GPHN: variants seen among roughly 807,000 people sequenced by gnomAD.
GPHN encodes gephyrin.
GPHN carries 17 observed loss-of-function variants against 95.5 expected under a neutral mutation model. The observed-to-expected ratio is 0.18, with a 90% CI of 0.12 to 0.27. GPHN has a LOEUF of 0.27. Among genes scored for constraint, GPHN ranks in the 10% least tolerant of loss-of-function variants. GPHN has a pLI of 1.00. For synonymous variants in GPHN, 320 were observed against 322.5 expected (o/e 0.99, Z 0.08); for missense variants, 660 against 978.1 (o/e 0.67, Z 4.34).
At chr14:67,360,046 C>G in the GPHN span, 2 of 448,942 alleles carry the variant, frequency 4.5e-6, no homozygotes, top group African/African-American at 2.0e-5. Context: ...GAAGCGTGCA[C>G]GCCTTGTCTT....
rs979902390 is a variant in GPHN at position 66,636,086 on chromosome 14, C to T, written c.65-45021C>T. The stretch of plus-strand genomic sequence containing the variant: ...ATGTAATTTCTCACTGGTAAATTTT[C>T]CTTAAAATATAAATTGCTCCCTGGA... On this transcript the variant is annotated intron_variant, in intron 1 of 22. Coordinates refer to ENST00000478722, the MANE Select transcript of GPHN (RefSeq NM_020806.5). Among the ~76,000 whole-genome samples, 61 of 152,052 alleles carry T rather than the reference C, an allele frequency of 4.0e-4. 1 individual carries two copies. Among genetic ancestry groups the T allele is most frequent in the Non-Finnish European group, 1.6e-4 (11 of 67,996 alleles).
chr14:67,676,723 T>C, the GPHN span: 1 of 152,232 alleles, frequency 6.6e-6, no homozygotes, highest in Non-Finnish European at 1.5e-5. Flanking sequence ...GATTACACTG[T>C]AGCTAGACTC....
At chr14:67,277,691 G>A in the GPHN span, among the ~76,000 whole-genome samples, 1 of 152,090 alleles carries the variant, frequency 6.6e-6, no homozygotes, top group Non-Finnish European at 1.5e-5. Flanking sequence ...TTGATGAAAA[G>A]CCAGAGTTAT....
the GPHN span, chr14:67,570,399 A>C: frequency 6.5e-6 from 3 of 461,492 alleles, no homozygotes; most frequent in Non-Finnish European, 8.6e-6. Flanking sequence ...ATCAGATAGA[A>C]TTGCAATATT....
At chr14:67,688,871 A>G in the GPHN span, among the ~76,000 whole-genome samples, 1 of 152,138 alleles carries the variant, frequency 6.6e-6, no homozygotes, top group Non-Finnish European at 1.5e-5. Context: ...GACTATACCT[A>G]TCTTGTTCAC....
chr14:67,467,633 T>C, the GPHN span: 3 of 152,284 alleles, frequency 2.0e-5, no homozygotes, highest in East Asian at 5.8e-4. Context: ...TTCCATCCCA[T>C]TCCCAAACAT....
the GPHN span, among the ~76,000 whole-genome samples, chr14:67,576,685 C>G: frequency 3.3e-5 from 5 of 152,182 alleles, no homozygotes; most frequent in Non-Finnish European, 4.4e-5. The surrounding 1 kb of genome is among the most constrained non-coding windows in gnomAD (Gnocchi z 4.0). Context: ...ACTAAGGTGA[C>G]CACTCTGCAT....
chr14:66,721,727 A>C (rs1321005075), intron 2 of GPHN, among the ~76,000 whole-genome samples: 1 of 152,000 alleles, frequency 6.6e-6, no homozygotes, highest in Non-Finnish European at 1.5e-5. Context: ...GAGGCAGGCG[A>C]ATCACCTGAG....
the GPHN span, among the ~76,000 whole-genome samples, chr14:67,275,473 T>A: frequency 2.0e-5 from 3 of 152,262 alleles, no homozygotes; most frequent in East Asian, 5.8e-4. Flanking sequence ...ATGAAGCCCA[T>A]TTGATTGTGG....
the GPHN span, among the ~76,000 whole-genome samples, chr14:67,306,863 AAAT>A: frequency 2.0e-5 from 3 of 152,204 alleles, no homozygotes; most frequent in African/African-American, 7.2e-5. Flanking sequence ...TAATCTAAAG[AAAT>A]TAGAACCAAT....
At chr14:66,956,340 A>ATTGGTTATT (rs1254530593) in intron 8 of GPHN, among the ~76,000 whole-genome samples, 1 of 151,828 alleles carries the variant, frequency 6.6e-6, no homozygotes, top group African/African-American at 2.4e-5. Flanking sequence ...CTCTTTCACC[A>ATTGGTTATT]TTGGTTATTT....
the GPHN span, chr14:67,583,752 G>A: frequency 6.2e-7 from 1 of 1,611,208 alleles, no homozygotes; most frequent in Non-Finnish European, 8.5e-7. Flanking sequence ...TAGAATATGG[G>A]GACTTGGAGA....
chr14:66,618,078 A>T (rs28483664), intron 1 of GPHN, among the ~76,000 whole-genome samples: 47,715 of 151,920 alleles, frequency 0.31, 11,499 homozygotes, highest in African/African-American at 0.65. Flanking sequence ...TGGTATTTTT[A>T]TTCTTTTCAA....
chr14:67,319,065 A>C, the GPHN span, among the ~76,000 whole-genome samples: 1 of 152,136 alleles, frequency 6.6e-6, no homozygotes, highest in Non-Finnish European at 1.5e-5. Flanking sequence ...CTCAAAAAAA[A>C]AAAAAAAGTT....
intron 1 of GPHN, among the ~76,000 whole-genome samples, chr14:66,545,201 C>A (rs1208881018): frequency 6.8e-6 from 1 of 147,306 alleles, no homozygotes; most frequent in African/African-American, 2.5e-5. Context: ...GCTGGCCGGG[C>A]GGGGGGCTGA....
the GPHN span, among the ~76,000 whole-genome samples, chr14:67,434,511 A>C: frequency 6.6e-6 from 1 of 152,238 alleles, no homozygotes; most frequent in Non-Finnish European, 1.5e-5. Context: ...ATCAGAGAAG[A>C]ATCGCTGATG....
intron 9 of GPHN, among the ~76,000 whole-genome samples, chr14:66,975,979 T>C (rs1362840003): frequency 1.3e-5 from 2 of 152,224 alleles, no homozygotes; most frequent in Non-Finnish European, 2.9e-5. Flanking sequence ...AGGCTTATAA[T>C]TCTTTTCTTT....
intron 1 of GPHN, among the ~76,000 whole-genome samples, chr14:66,611,424 G>A (rs1166114244): frequency 6.6e-6 from 1 of 152,080 alleles, no homozygotes; most frequent in Non-Finnish European, 1.5e-5. Context: ...AGACAAAAAA[G>A]CATAGAAAAT....
the GPHN span, chr14:67,586,840 T>C: frequency 1.3e-6 from 2 of 1,489,782 alleles, no homozygotes. Flanking sequence ...TGGGCCTCCT[T>C]TTCTCAGAAG....
Sources: allele counts gnomAD v4.1 joint callset (sites outside exome capture counted in the v4.1 genomes callset), GRCh38; gene constraint gnomAD v4.1.1; non-coding constraint Gnocchi (gnomAD v3.1); transcripts MANE v1.5; gene names NCBI Gene and HGNC (gene_info 2026-07-23, HGNC 2026-07-21).